Variants in DDX42 observed in about 807,000 individuals in gnomAD.
DDX42 encodes the protein DEAD-box helicase 42, also known as ATP-dependent RNA helicase DDX42.
A neutral mutation model predicts 101.5 loss-of-function variants in DDX42; 22 were observed. That is an observed-to-expected ratio of 0.22 (90% CI 0.15 to 0.31). The LOEUF is 0.31. Among genes scored for constraint, DDX42 ranks in the 10% least tolerant of loss-of-function variants. The pLI is 1.00. For synonymous variants in DDX42, 402 were observed against 401.2 expected (o/e 1.00, Z -0.02); for missense variants, 849 against 1,199.9 (o/e 0.71, Z 4.32).
At chr17:63,786,857 T>G (rs528318803) in intron 1 of DDX42, among the ~76,000 whole-genome samples, 177 bp from the exon 2 acceptor site, 9 of 152,102 alleles carry the variant, frequency 5.9e-5, no homozygotes, top group African/African-American at 2.2e-4. Context: ...TTTGTATTTT[T>G]AGTAGAGAAG....
chr17:63,780,887 A>T (rs1004099474), intron 1 of DDX42, among the ~76,000 whole-genome samples: 1 of 152,094 alleles, frequency 6.6e-6, no homozygotes, highest in African/African-American at 2.4e-5. Context: ...TGTTGTTAAA[A>T]GTTTTGATTG....
chr17:63,818,193 A>G lies in DDX42; in HGVS notation c.2612A>G (p.His871Arg). The G allele has an allele frequency of 6.2e-7, 1 of 1,614,058 alleles. No homozygotes were observed. Among genetic ancestry groups the G allele is most frequent in the Non-Finnish European group, 8.5e-7 (1 of 1,180,014 alleles). The change falls in exon 18 of 18, where the codon CAT becomes CGT. Residue 871 changes from histidine to arginine, a missense_variant. His to Arg is a conservative substitution (Grantham distance 29, BLOSUM62 0). Transcript: ENST00000389924. Reference protein sequence around the residue: ...ENRHGGSAGRHGENRGANDGR... With the variant: ...ENRHGGSAGRRGENRGANDGR... ...AGACATGGAGGAAGCGCAGGCCGGC[A>G]TGGGGAGAACCGGGGTGCAAATGAT... is the stretch of plus-strand genomic sequence containing the variant.
chr17:63,796,141 C>G (rs1249989876), intron 3 of DDX42, among the ~76,000 whole-genome samples: 1 of 152,040 alleles, frequency 6.6e-6, no homozygotes, highest in African/African-American at 2.4e-5. Context: ...GGCTATGTTT[C>G]CTAGAGAATC....
At chr17:63,798,551 G>A (rs2039721498) in intron 4 of DDX42, among the ~76,000 whole-genome samples, 1 of 152,122 alleles carries the variant, frequency 6.6e-6, no homozygotes, top group Non-Finnish European at 1.5e-5. Flanking sequence ...TCCACTCATG[G>A]GGATTTTTTT....
At chr17:63,798,297 G>A (rs1395620664) in intron 4 of DDX42, 198 bp downstream of exon 4, 2 of 467,782 alleles carry the variant, frequency 4.3e-6, no homozygotes, top group Non-Finnish European at 7.6e-6. Flanking sequence ...AAAGCATTCA[G>A]TTTGGTAGAA....
At position 63,805,017 on chromosome 17, in the gene DDX42, C is replaced by T. The variant is rs764606225; in HGVS notation, c.622-54C>T. 9 of 1,547,960 alleles carry T rather than the reference C, an allele frequency of 5.8e-6. 1 individual carries two copies. In the East Asian group the frequency reaches 1.9e-4, roughly 32 times the overall value. ...AAGATTATTTTGCAATAAAATCAAACTTACAGAATTGACTCTTGAATTCTA... is the reference window on the plus strand; with the variant it reads ...AAGATTATTTTGCAATAAAATCAAATTTACAGAATTGACTCTTGAATTCTA... On this transcript the variant is annotated intron_variant, in intron 6 of 17. Coordinates refer to ENST00000389924, the MANE Select transcript of DDX42 (RefSeq NM_203499.3).
At chr17:63,797,126 T>TG (rs2039702910) in intron 3 of DDX42, among the ~76,000 whole-genome samples, 1 of 151,892 alleles carries the variant, frequency 6.6e-6, no homozygotes, top group Admixed American at 6.6e-5. Context: ...CCGGGCGCGG[T>TG]GGATCACCTG....
rs1461605172 is a variant in DDX42, at chr17:63,808,888, G to T, written c.1092G>T (p.Gly364=). ...GATCAGTGGCCGTATATGGAGGAGG[G>T]AGTATGTGGGAGCAGGCCAAGGCCC... The part of the protein sequence containing the change: ...NLRSVAVYGG[G]SMWEQAKALQ... The change falls in exon 10 of 18, where the codon GGG becomes GGT. Residue 364 remains glycine (G), a synonymous_variant. Transcript: ENST00000389924. The T allele has an allele frequency of 6.2e-7, 1 of 1,613,964 alleles. No individual in the cohort carries two copies. Among genetic ancestry groups the T allele is most frequent in the African/African-American group, 1.3e-5 (1 of 74,914 alleles).
intron 3 of DDX42, among the ~76,000 whole-genome samples, chr17:63,797,086 T>C (rs1251259182): frequency 6.6e-6 from 1 of 152,154 alleles, no homozygotes; most frequent in Non-Finnish European, 1.5e-5. Context: ...TCAGTGATCA[T>C]CAATTTGCAG....
chr17:63,795,955 CT>C (rs2039687694), intron 3 of DDX42, among the ~76,000 whole-genome samples: 1 of 152,170 alleles, frequency 6.6e-6, no homozygotes, highest in Admixed American at 6.5e-5. Flanking sequence ...ATACAGGATA[CT>C]TACCAAACAC....
intron 14 of DDX42, 52 bp from the exon 15 acceptor site, chr17:63,813,176 A>G: frequency 6.7e-7 from 1 of 1,500,294 alleles, no homozygotes; most frequent in Non-Finnish European, 9.0e-7. Flanking sequence ...GGTTACTTTG[A>G]TCTTCTGACT....
chr17:63,800,400 C>T, intron 5 of DDX42, 68 bp from the exon 6 acceptor site: 1 of 1,500,954 alleles, frequency 6.7e-7, no homozygotes, highest in Non-Finnish European at 9.1e-7. Flanking sequence ...ACTATGTGCG[C>T]TAATTACAGG....
chr17:63,804,022 T>A (rs1204880238), intron 6 of DDX42, among the ~76,000 whole-genome samples: 2 of 152,204 alleles, frequency 1.3e-5, no homozygotes, highest in Non-Finnish European at 2.9e-5. Context: ...TAGGAGCTAT[T>A]TAAGTCGACA....
chr17:63,794,635 T>TA (rs199814562), intron 3 of DDX42, among the ~76,000 whole-genome samples: 105 of 145,358 alleles, frequency 7.2e-4, no homozygotes, highest in African/African-American at 1.2e-3. Context: ...ACCCTGTCTA[T>TA]AAAAAAAAAA....
At chr17:63,802,337 A>G (rs1275103473) in intron 6 of DDX42, among the ~76,000 whole-genome samples, 1 of 152,258 alleles carries the variant, frequency 6.6e-6, no homozygotes, top group Non-Finnish European at 1.5e-5. Context: ...TATGATAGCC[A>G]TTTCAAGGAA....
intron 3 of DDX42, among the ~76,000 whole-genome samples, chr17:63,796,010 A>G (rs2039688472): frequency 6.6e-6 from 1 of 152,180 alleles, no homozygotes; most frequent in Admixed American, 6.5e-5. Flanking sequence ...CATAGTAGGT[A>G]TTTAGTTAAT....
At chr17:63,814,844 C>T (rs1424174796) in intron 15 of DDX42, among the ~76,000 whole-genome samples, 5 of 152,108 alleles carry the variant, frequency 3.3e-5, no homozygotes, top group African/African-American at 1.2e-4. Flanking sequence ...CATGTGCCAC[C>T]ATGCCTGGCT....
At chr17:63,813,859 A>G (rs1337387117) in intron 15 of DDX42, among the ~76,000 whole-genome samples, 1 of 150,290 alleles carries the variant, frequency 6.7e-6, no homozygotes. Flanking sequence ...TTTTTTTTTG[A>G]GACAGAATCT....
chr17:63,809,409 C>T (rs1452539577), intron 10 of DDX42, 151 bp from the exon 11 acceptor site: 1 of 598,720 alleles, frequency 1.7e-6, no homozygotes, highest in Non-Finnish European at 2.9e-6. Flanking sequence ...TTCCTTTGAG[C>T]TAAGTAGTGC....
Sources: allele counts gnomAD v4.1 joint callset (sites outside exome capture counted in the v4.1 genomes callset), GRCh38; gene constraint gnomAD v4.1.1; transcripts MANE v1.5; gene names NCBI Gene and HGNC (gene_info 2026-07-23, HGNC 2026-07-21).